The following MYO5B variants were observed in gnomAD, a reference collection of about 807,000 sequenced individuals.
MYO5B encodes unconventional myosin-Vb.
In MYO5B, 143 loss-of-function variants were observed where a neutral mutation model predicts 229.3. The ratio of observed to expected loss-of-function variants is 0.62; its 90% CI spans 0.54 to 0.72. The LOEUF (loss-of-function observed/expected upper bound fraction) is 0.72. Ranked by LOEUF, MYO5B falls within the 30% of genes least tolerant of loss-of-function variation. MYO5B has a pLI of 0.00. For synonymous variants in MYO5B, 918 were observed against 885.2 expected, an observed-to-expected ratio of 1.04 and a Z score of -0.66; for missense variants, 2,321 against 2,331.0, an observed-to-expected ratio of 1.00 and a Z score of 0.09.
intron 1 of MYO5B, among the ~76,000 whole-genome samples, chr18:50,058,217 AG>A (rs2030599264): frequency 6.6e-6 from 1 of 152,248 alleles, no homozygotes; most frequent in Admixed American, 6.5e-5. Flanking sequence ...CTATCATTCC[AG>A]CACTTTGGGA....
At chr18:49,827,014 T>A (rs1481626988) in intron 39 of MYO5B, among the ~76,000 whole-genome samples, 1 of 152,132 alleles carries the variant, frequency 6.6e-6, no homozygotes, top group Non-Finnish European at 1.5e-5. Context: ...AATTCCTGAA[T>A]TTTTTATGCC....
intron 9 of MYO5B, among the ~76,000 whole-genome samples, chr18:49,978,745 A>ACACACACACACACACAC (rs1871979069): frequency 2.9e-5 from 4 of 138,338 alleles, no homozygotes; most frequent in African/African-American, 8.0e-5. Flanking sequence ...ACACACACAC[A>ACACACACACACACACAC]AAATGCTCAG....
rs61108110 is a variant in MYO5B at position 50,164,548 on chromosome 18, G to A, written c.27+30219C>T. 1.2e-3 allele frequency among the ~76,000 whole-genome samples: 187 copies of A among 150,498 alleles called. 1 individual carries two copies. The highest frequency in any genetic ancestry group is 4.3e-3 in the African/African-American group (178 of 40,940). ...GGAATCTGTGACTCAATGTCTCCCT[G>A]GAATTAAATCCATTTAATTAAAAAG... On this transcript the variant is annotated intron_variant, in intron 1 of 39. Transcript: ENST00000285039.
chr18:49,901,015 C>G (rs1263940021), intron 21 of MYO5B, among the ~76,000 whole-genome samples: 2 of 152,194 alleles, frequency 1.3e-5, no homozygotes, highest in Non-Finnish European at 2.9e-5. Context: ...CCCTGGCCCA[C>G]CATTTCCTCA....
At chr18:50,118,879 G>C (rs533552707) in intron 1 of MYO5B, among the ~76,000 whole-genome samples, 2 of 152,250 alleles carry the variant, frequency 1.3e-5, no homozygotes, top group Non-Finnish European at 2.9e-5. Context: ...GCTACTGTTT[G>C]TTGCTAGTCA....
intron 5 of MYO5B, 47 bp from the exon 6 acceptor site, chr18:49,992,478 C>T: frequency 6.2e-7 from 1 of 1,613,758 alleles, no homozygotes; most frequent in Middle Eastern, 1.7e-4. Flanking sequence ...AGAGGGCTTT[C>T]TTGATTTCAG....
chr18:50,150,383 C>T (rs1251446098), intron 1 of MYO5B, among the ~76,000 whole-genome samples: 15 of 145,476 alleles, frequency 1.0e-4, no homozygotes, highest in Admixed American at 7.6e-4. Context: ...CACATGCACA[C>T]GTATGTTTAT....
At chr18:49,883,548 A>G (rs1384119279) in intron 22 of MYO5B, among the ~76,000 whole-genome samples, 1 of 152,150 alleles carries the variant, frequency 6.6e-6, no homozygotes, top group Non-Finnish European at 1.5e-5. Context: ...AGATGGCAAC[A>G]CTCCTCAAAT....
At position 49,954,367 on chromosome 18, in the gene MYO5B, G is replaced by A; in HGVS notation, c.1614C>T (p.Phe538=). 1 of 1,614,086 alleles carries A rather than the reference G, an allele frequency of 6.2e-7. No individual in the cohort carries two copies. The highest frequency in any genetic ancestry group is 8.5e-7 in the Non-Finnish European group (1 of 1,179,994). Residue 538 remains phenylalanine (F), a synonymous_variant, in exon 13 of 40, where the codon TTC becomes TTT. Coordinates refer to ENST00000285039, the MANE Select transcript of MYO5B (RefSeq NM_001080467.3). ...CCGTGTTGGACATGCGGGGCTTCTGGAAGTGCTGGCTGCTGGAGTGCCGGT... is the reference window on the plus strand; with the variant it reads ...CCGTGTTGGACATGCGGGGCTTCTGAAAGTGCTGGCTGCTGGAGTGCCGGT... ...LYDRHSSSQH[F]QKPRMSNTAF...
chr18:50,103,349 C>A (rs924506112), intron 1 of MYO5B, among the ~76,000 whole-genome samples: 2 of 152,362 alleles, frequency 1.3e-5, no homozygotes, highest in South Asian at 2.1e-4. Context: ...TCTATCCTGA[C>A]CCTCCCTGGA....
intron 2 of MYO5B, among the ~76,000 whole-genome samples, chr18:50,052,308 A>T (rs956801355): frequency 2.6e-5 from 4 of 151,216 alleles, no homozygotes; most frequent in Non-Finnish European, 5.9e-5. Context: ...ACCAACCCAA[A>T]TGTCCAACAA....
chr18:50,186,237 C>T (rs2033147686), intron 1 of MYO5B, among the ~76,000 whole-genome samples: 1 of 152,230 alleles, frequency 6.6e-6, no homozygotes, highest in African/African-American at 2.4e-5. Flanking sequence ...TGCAGTTACC[C>T]TGTTGGACAA....
At chr18:50,189,047 C>A (rs1217951959) in intron 1 of MYO5B, among the ~76,000 whole-genome samples, 1 of 152,148 alleles carries the variant, frequency 6.6e-6, no homozygotes, top group Non-Finnish European at 1.5e-5. Context: ...AAACCACATG[C>A]AAGACAGAGA....
chr18:49,931,995 G>A (rs1261800137), intron 16 of MYO5B, among the ~76,000 whole-genome samples: 4 of 152,340 alleles, frequency 2.6e-5, no homozygotes, highest in Middle Eastern at 3.4e-3. Flanking sequence ...GGATGGCAGC[G>A]TGTTCAGGAG....
intron 1 of MYO5B, among the ~76,000 whole-genome samples, chr18:50,115,697 C>A (rs1437718077): frequency 3.9e-5 from 6 of 151,918 alleles, no homozygotes; most frequent in Non-Finnish European, 7.4e-5. Context: ...AGTCTAGAGC[C>A]ACTTAATAAC....
rs774174890 is a variant in MYO5B, at chr18:49,878,927, C to A, written c.3276+18G>T. ...GCCAGGGACCTGTGCCATGGCACAG[C>A]AGAAGCACCCCCCTTGCCTTTATGA... On this transcript the variant is annotated intron_variant, in intron 24 of 39. Coordinates refer to ENST00000285039, the MANE Select transcript of MYO5B (RefSeq NM_001080467.3). 7 of 1,614,038 alleles carry A rather than the reference C, an allele frequency of 4.3e-6. No individual in the cohort carries two copies. The highest frequency in any genetic ancestry group is 5.1e-6 in the Non-Finnish European group (6 of 1,179,988).
At chr18:49,874,577 A>G (rs2144098146) in intron 26 of MYO5B, among the ~76,000 whole-genome samples, 1 of 152,382 alleles carries the variant, frequency 6.6e-6, no homozygotes, top group South Asian at 2.1e-4. Flanking sequence ...AGAATTTGCC[A>G]GCAATATAGA....
At chr18:50,095,837 C>T (rs1304671491) in intron 1 of MYO5B, among the ~76,000 whole-genome samples, 1 of 152,208 alleles carries the variant, frequency 6.6e-6, no homozygotes, top group African/African-American at 2.4e-5. Context: ...CTTTTAAGAG[C>T]TTCTACAGGA....
chr18:49,843,463 T>C, intron 33 of MYO5B, 71 bp from the exon 34 acceptor site: 2 of 1,537,730 alleles, frequency 1.3e-6, no homozygotes, highest in Non-Finnish European at 1.8e-6. Context: ...AGAATCCTCA[T>C]CTGAATAGAC....
Sources: gnomAD v4.1 joint callset for allele counts (sites outside exome capture counted in the v4.1 genomes callset) on GRCh38, gnomAD v4.1.1 for gene constraint, MANE v1.5 for transcripts, NCBI Gene and HGNC (gene_info 2026-07-23, HGNC 2026-07-21) for gene names.